GLB1: variants seen among roughly 807,000 people sequenced by gnomAD.
GLB1 encodes the protein beta-galactosidase.
GLB1 carries 56 observed loss-of-function variants against 74.0 expected under a neutral mutation model. That is an observed-to-expected ratio of 0.76 (90% confidence interval 0.61 to 0.94). GLB1 has a LOEUF of 0.94. Ranked by LOEUF, GLB1 falls within the 40% of genes least tolerant of loss-of-function variation. GLB1 has a pLI of 0.00. For synonymous variants in GLB1, 323 were observed against 323.6 expected (o/e 1.00, Z 0.02); for missense variants, 787 against 845.5 (o/e 0.93, Z 0.86).
chr3:33,068,214 A>T lies in GLB1; in HGVS notation c.457+16T>A. ...AAGCTTTTATAAATCTTCTCAAGAC[A>T]TCTGTAACAACCTACCTGGGTCGGA... On this transcript the variant is annotated intron_variant, in intron 4 of 15. Transcript: ENST00000307363. 6.2e-7 allele frequency: 1 copy of T among 1,614,066 alleles called. No homozygotes were observed. The highest frequency in any genetic ancestry group is 8.5e-7 in the Non-Finnish European group (1 of 1,180,004).
chr3:33,065,800 T>C (rs1699649185), intron 4 of GLB1, among the ~76,000 whole-genome samples: 1 of 151,876 alleles, frequency 6.6e-6, no homozygotes, highest in Non-Finnish European at 1.5e-5. Flanking sequence ...AAACCCCATC[T>C]CTACTAAAAA....
chr3:33,021,554 T>C lies in GLB1; in HGVS notation c.1233+12A>G, dbSNP rs749769107. On this transcript the variant is annotated intron_variant, in intron 12 of 15. Transcript: ENST00000307363. ...GTAGAAAAAAGGCGAGGCATTACCT[T>C]TGAAGGCCTACCTGTTTCACCTGGA... is the stretch of plus-strand genomic sequence containing the variant. 2 of 1,612,998 alleles carry C rather than the reference T, an allele frequency of 1.2e-6. No individual in the cohort carries two copies. The highest frequency in any genetic ancestry group is 1.7e-6 in the Non-Finnish European group (2 of 1,179,556).
intron 10 of GLB1, chr3:33,034,300 C>A: frequency 1.4e-6 from 1 of 729,012 alleles, no homozygotes; most frequent in Non-Finnish European, 2.6e-6. Flanking sequence ...AAAAGATCAA[C>A]AACGCTTACA....
intron 12 of GLB1, 84 bp from the exon 13 acceptor site, chr3:33,018,645 G>T: frequency 7.1e-7 from 1 of 1,405,410 alleles, no homozygotes; most frequent in Non-Finnish European, 9.9e-7. Flanking sequence ...GTATGAAAGC[G>T]ATGTTTCTCA....
In GLB1 at chr3:33,093,641, C is replaced by G. The variant is rs372873177; in HGVS notation, c.75+3370G>C. 6.2e-7 allele frequency: 1 copy of G among 1,614,126 alleles called. No individual in the cohort carries two copies. Among genetic ancestry groups the G allele is most frequent in the South Asian group, 1.1e-5 (1 of 91,086 alleles). ...CCACAGTTTTCACAGCCGGGGGCTG[C>G]GCGGCATTCAGAATCCCGGCCACGC... On this transcript the variant is annotated intron_variant, in intron 1 of 15. Transcript: ENST00000307363. The surrounding 1 kb of genome is among the most constrained non-coding windows in gnomAD (Gnocchi z 6.0).
chr3:33,031,630 AAAAAAAAAAAATATATAT>A (rs1178340010), intron 10 of GLB1, among the ~76,000 whole-genome samples: 4 of 74,474 alleles, frequency 5.4e-5, no homozygotes, highest in African/African-American at 1.4e-4. Context: ...AAAAAAAAAA[AAAAAAAAAAAATATATAT>A]ATATATATAT....
rs1697442585 is a variant in GLB1 at position 33,020,901 on chromosome 3, C to A, written c.1233+665G>T. Among the ~76,000 whole-genome samples the A allele has an allele frequency of 3.3e-5, 5 of 152,006 alleles. No homozygotes were observed. The South Asian group carries it at 8.3e-4, about 25-fold the overall frequency. On this transcript the variant is annotated intron_variant, in intron 12 of 15. Transcript: ENST00000307363. ...AAAGAAAAGCAGTTGACTACATACA[C>A]AGAGAGAAAAAGGCAATTAAAGCAC...
intron 13 of GLB1, among the ~76,000 whole-genome samples, chr3:33,017,429 C>T (rs1397238985): frequency 6.6e-6 from 1 of 152,188 alleles, no homozygotes; most frequent in African/African-American, 2.4e-5. Context: ...TTCACTAAGA[C>T]AACACCCAAG....
At chr3:33,094,017 G>A in intron 1 of GLB1, 1 of 1,614,226 alleles carries the variant, frequency 6.2e-7, no homozygotes. Context: ...AATGTAGAGG[G>A]AGCCAATGAG....
intron 10 of GLB1, among the ~76,000 whole-genome samples, chr3:33,028,353 T>C (rs1697860588): frequency 6.6e-6 from 1 of 152,232 alleles, no homozygotes; most frequent in Non-Finnish European, 1.5e-5. Flanking sequence ...CTTGCTATTA[T>C]GGTTATATCA....
At chr3:33,052,903 C>T (rs1046057274) in intron 7 of GLB1, 3 of 180,162 alleles carry the variant, frequency 1.7e-5, no homozygotes, top group African/African-American at 7.1e-5. Context: ...GCTCACTAAG[C>T]AGAGACTAGA....
intron 15 of GLB1, among the ~76,000 whole-genome samples, chr3:33,001,108 TC>T: frequency 6.6e-6 from 1 of 151,856 alleles, no homozygotes; most frequent in South Asian, 2.1e-4. Flanking sequence ...CTCCACTACT[TC>T]TTGTTCTTTC....
intron 5 of GLB1, among the ~76,000 whole-genome samples, chr3:33,064,674 G>C (rs1699594847): frequency 6.7e-6 from 1 of 150,070 alleles, no homozygotes; most frequent in African/African-American, 2.4e-5. Context: ...CTACATGGGA[G>C]GCTGAGGTGG....
rs372101885 is a variant in GLB1 at position 33,065,421 on chromosome 3, G to C, written c.552+42C>G. Reference sequence around the variant, plus strand: ...TCATTTATGTAATGTAGATGGATGGGAACCCCTCCCCCAATCCATCCATGC... The same window carrying C: ...TCATTTATGTAATGTAGATGGATGGCAACCCCTCCCCCAATCCATCCATGC... On this transcript the variant is annotated intron_variant, in intron 5 of 15. Transcript: ENST00000307363. The C allele has an allele frequency of 7.3e-5, 113 of 1,552,328 alleles. No homozygotes were observed. In the African/African-American group the frequency reaches 1.4e-3, roughly 19 times the overall value.
chr3:33,095,310 G>A (rs1024649600), intron 1 of GLB1, among the ~76,000 whole-genome samples: 1 of 151,334 alleles, frequency 6.6e-6, no homozygotes, highest in African/African-American at 2.4e-5. Context: ...GAGGTCAGGA[G>A]ATCGAGACCA....
At chr3:33,032,277 G>A (rs1698081868) in intron 10 of GLB1, among the ~76,000 whole-genome samples, 1 of 152,142 alleles carries the variant, frequency 6.6e-6, no homozygotes, top group Non-Finnish European at 1.5e-5. Flanking sequence ...CAGAATCTGC[G>A]CCAACCTTTC....
At chr3:33,060,006 G>C (rs1699380326) in intron 5 of GLB1, among the ~76,000 whole-genome samples, 1 of 152,174 alleles carries the variant, frequency 6.6e-6, no homozygotes, top group Non-Finnish European at 1.5e-5. Context: ...AGAAGAAAAG[G>C]CTCTGAACTT....
the GLB1 span, among the ~76,000 whole-genome samples, chr3:32,985,883 A>G: frequency 1.3e-5 from 2 of 151,022 alleles, no homozygotes; most frequent in African/African-American, 4.9e-5. Context: ...GCTAATTTTT[A>G]TATTTTTTAT....
At chr3:32,989,293 C>T in the GLB1 span, among the ~76,000 whole-genome samples, 101 of 152,152 alleles carry the variant, frequency 6.6e-4, 2 homozygotes, top group African/African-American at 2.3e-3. Context: ...AGAGAAAAAC[C>T]GAGAGTCATC....
Sources: gnomAD v4.1 joint callset for allele counts (sites outside exome capture counted in the v4.1 genomes callset) on GRCh38, gnomAD v4.1.1 for gene constraint, Gnocchi (gnomAD v3.1) non-coding constraint, MANE v1.5 for transcripts, NCBI Gene and HGNC (gene_info 2026-07-23, HGNC 2026-07-21) for gene names.